The following REV3L variants were observed in gnomAD, a reference collection of about 807,000 sequenced individuals.
REV3L encodes REV3 like, DNA directed polymerase zeta catalytic subunit.
REV3L carries 69 observed loss-of-function variants against 299.4 expected under a neutral mutation model. The observed-to-expected ratio is 0.23, with a 90% confidence interval of 0.19 to 0.28. REV3L has a LOEUF of 0.28. Ranked by LOEUF, REV3L falls within the 10% of genes least tolerant of loss-of-function variation. The pLI is 1.00. For missense variants in REV3L, 3,128 were observed against 3,693.8 expected (o/e 0.85, Z 3.97); for synonymous variants, 1,238 against 1,271.4 (o/e 0.97, Z 0.56).
chr6:111,350,924 C>T (rs1163429414), intron 19 of REV3L, among the ~76,000 whole-genome samples: 1 of 152,030 alleles, frequency 6.6e-6, no homozygotes, highest in African/African-American at 2.4e-5. Context: ...AAAAACTTTA[C>T]TGTCCTGGAA....
Position 111,374,138 on chromosome 6 carries a change from G to C in REV3L, c.4217C>G (p.Ser1406Cys). 1 of 1,614,034 alleles carries C rather than the reference G, an allele frequency of 6.2e-7. No individual in the cohort carries two copies. The highest frequency in any genetic ancestry group is 8.5e-7 in the Non-Finnish European group (1 of 1,179,958). ...TGCTTGGTCCAGCTTTGATTCTAGGGAATTGCGATATTCACTTAACTTTCC... is the reference window on the plus strand; with the variant it reads ...TGCTTGGTCCAGCTTTGATTCTAGGCAATTGCGATATTCACTTAACTTTCC... Reference protein sequence around the residue: ...SIGKLSEYRNSLESKLDQAYT... With the variant: ...SIGKLSEYRNCLESKLDQAYT... Residue 1406 changes from serine to cysteine, a missense_variant, in exon 13 of 32, where the codon TCC becomes TGC. By Grantham distance (112) the Ser-to-Cys change is moderately radical. Around this residue, in one of 9 missense-constraint regions of REV3L, gnomAD observed 2,409 missense variants for 2,611.8 expected, o/e 0.92. Coordinates refer to ENST00000368802, the MANE Select transcript of REV3L (RefSeq NM_001372078.1).
At position 111,394,706 on chromosome 6, in the gene REV3L, AT is replaced by A. The variant is rs35239605; in HGVS notation, c.566-1735del. Among the ~76,000 whole-genome samples the A allele has an allele frequency of 3.3e-3, 461 of 139,410 alleles. 1 individual carries two copies. The highest frequency in any genetic ancestry group is 8.3e-3 in the African/African-American group (311 of 37,566). 91.5% of individuals were successfully genotyped at this position (139,410 alleles called of 152,430 possible). A position where few individuals can be genotyped will look rare whatever the true frequency, so the allele number is the denominator to read the frequency against. Reference sequence around the variant, plus strand: ...AATGTCCCAGAGTATCTGTCCTACAATTTTTTTTTTTTTTTTTGAGACAGGG... The same window carrying A: ...AATGTCCCAGAGTATCTGTCCTACAATTTTTTTTTTTTTTTTGAGACAGGG... On this transcript the variant is annotated intron_variant, in intron 4 of 31. Transcript: ENST00000368802.
At chr6:111,389,548 A>G (rs1176653973) in intron 6 of REV3L, among the ~76,000 whole-genome samples, 1 of 152,132 alleles carries the variant, frequency 6.6e-6, no homozygotes, top group African/African-American at 2.4e-5. Flanking sequence ...TTAGTGTCAC[A>G]CTTATTTTAG....
chr6:111,403,465 C>A (rs1783302423), intron 4 of REV3L, among the ~76,000 whole-genome samples: 1 of 152,148 alleles, frequency 6.6e-6, no homozygotes. Context: ...AGCATGTGTT[C>A]ATTTTGTGTC....
chr6:111,304,942 C>CT (rs748453480), intron 31 of REV3L, among the ~76,000 whole-genome samples: 7,133 of 136,344 alleles, frequency 0.052, 444 homozygotes, highest in African/African-American at 0.15. Context: ...GTTCTTTGTT[C>CT]TTTTTTTTTT....
At chr6:111,382,376 C>T (rs1193962629) in intron 9 of REV3L, among the ~76,000 whole-genome samples, 1 of 152,172 alleles carries the variant, frequency 6.6e-6, no homozygotes, top group African/African-American at 2.4e-5. Context: ...GGTCTTGAGG[C>T]ACGGAGAGAG....
intron 24 of REV3L, among the ~76,000 whole-genome samples, chr6:111,330,579 G>A (rs565191553): frequency 3.5e-4 from 54 of 152,170 alleles, no homozygotes; most frequent in African/African-American, 1.2e-3. Context: ...GGGTCCAAAA[G>A]TAGATGCAAG....
intron 26 of REV3L, among the ~76,000 whole-genome samples, chr6:111,318,249 G>A (rs977443078): frequency 1.3e-5 from 2 of 151,862 alleles, no homozygotes; most frequent in African/African-American, 2.4e-5. Flanking sequence ...CACCACGCCC[G>A]GCTAATTTTT....
chr6:111,300,145 G>C lies in REV3L; in HGVS notation c.9264C>G (p.Asn3088Lys), dbSNP rs1421389667. The change falls in exon 32 of 32, where the codon AAC becomes AAG. Residue 3088 changes from asparagine (N) to lysine (K), a missense_variant. Physicochemically the swap from Asn to Lys is moderately conservative, Grantham distance 94. Around this residue, in one of 9 missense-constraint regions of REV3L, gnomAD observed 294 missense variants for 377.0 expected, o/e 0.78. Coordinates refer to ENST00000368802, the MANE Select transcript of REV3L (RefSeq NM_001372078.1). ...TGTGTCGATCAAAGCAACCTGTACA[G>C]TTCTTGCATATCTGAAAGCATAAGA... is the stretch of plus-strand genomic sequence containing the variant. Reference protein sequence around the residue: ...QQEQLVKICKNCTGCFDRHIP... With the variant: ...QQEQLVKICKKCTGCFDRHIP... 1.1e-5 allele frequency: 18 copies of C among 1,586,162 alleles called. No individual in the cohort carries two copies. The highest frequency in any genetic ancestry group is 1.5e-5 in the Non-Finnish European group (17 of 1,169,682).
At position 111,445,085 on chromosome 6, in the gene REV3L, G is replaced by A. The variant is rs566567127; in HGVS notation, c.140-28613C>T. Among the ~76,000 whole-genome samples the A allele has an allele frequency of 3.9e-5, 6 of 152,292 alleles. No individual in the cohort carries two copies. In the South Asian group the frequency reaches 6.2e-4, roughly 16 times the overall value. ...CAGGAGAGAAATATAAGAAGCTCTC[G>A]GCATGTGGCCAACTGCCTTGGAAGG... is the stretch of plus-strand genomic sequence containing the variant. On this transcript the variant is annotated intron_variant, in intron 1 of 31. Coordinates refer to ENST00000368802, the MANE Select transcript of REV3L (RefSeq NM_001372078.1).
chr6:111,299,876 T>A lies in REV3L; in HGVS notation c.*140A>T, dbSNP rs1257823359. 1.9e-5 allele frequency: 14 copies of A among 723,388 alleles called. No individual in the cohort carries two copies. The highest frequency in any genetic ancestry group is 2.6e-5 in the Non-Finnish European group (12 of 463,018). 44.8% of individuals were successfully genotyped at this position (723,388 alleles called of 1,614,324 possible). A position where few individuals can be genotyped will look rare whatever the true frequency, so the allele number is the denominator to read the frequency against. On this transcript the variant is annotated 3_prime_UTR_variant, in exon 32 of 32. Coordinates refer to ENST00000368802, the MANE Select transcript of REV3L (RefSeq NM_001372078.1). ...GATCAACAAGTACATTTTAATTCGG[T>A]TAGCATAGAAGTCTTCATAGTCTTC...
chr6:111,407,437 T>C (rs1274806912), intron 3 of REV3L, among the ~76,000 whole-genome samples: 1 of 152,094 alleles, frequency 6.6e-6, no homozygotes. Flanking sequence ...GGCAGAAATA[T>C]GATTGATCAC....
At chr6:111,417,889 T>C (rs1784934179) in intron 1 of REV3L, among the ~76,000 whole-genome samples, 1 of 152,194 alleles carries the variant, frequency 6.6e-6, no homozygotes, top group African/African-American at 2.4e-5. Flanking sequence ...AAATTACAAA[T>C]TGTGTTGCTG....
At chr6:111,333,506 C>T (rs1183858054) in intron 22 of REV3L, 139 bp from the exon 23 acceptor site, 14 of 1,100,056 alleles carry the variant, frequency 1.3e-5, no homozygotes, top group Admixed American at 2.8e-5. Flanking sequence ...CAGTGTTTCG[C>T]TCTTGTTGCC....
chr6:111,339,461 T>C (rs1562146451), intron 21 of REV3L, among the ~76,000 whole-genome samples: 1 of 152,102 alleles, frequency 6.6e-6, no homozygotes, highest in Non-Finnish European at 1.5e-5. Context: ...AAAGTACTCA[T>C]TTCCTCACTA....
At chr6:111,482,507 C>A (rs568191352) in intron 1 of REV3L, among the ~76,000 whole-genome samples, 1 of 151,968 alleles carries the variant, frequency 6.6e-6, no homozygotes, top group South Asian at 2.1e-4. Flanking sequence ...AGTCTAAACA[C>A]GCGGCGCTCG....
At chr6:111,356,486 G>C (rs1778099066) in intron 18 of REV3L, among the ~76,000 whole-genome samples, 1 of 152,086 alleles carries the variant, frequency 6.6e-6, no homozygotes, top group Non-Finnish European at 1.5e-5. Flanking sequence ...GGAGCTCTGT[G>C]CACAAGAGTA....
At chr6:111,316,664 TC>T (rs1344881923) in intron 26 of REV3L, among the ~76,000 whole-genome samples, 11 of 136,510 alleles carry the variant, frequency 8.1e-5, no homozygotes, top group Middle Eastern at 3.8e-3. Context: ...AGACTCCGTC[TC>T]AAAAAAAAAA....
intron 24 of REV3L, 141 bp from the exon 25 acceptor site, chr6:111,329,879 C>T (rs1006437234): frequency 1.1e-5 from 7 of 648,436 alleles, no homozygotes; most frequent in South Asian, 7.7e-5. Context: ...TATTAGTGGC[C>T]GTCAATATAA....
Sources: gnomAD v4.1 joint callset for allele counts (sites outside exome capture counted in the v4.1 genomes callset) on GRCh38, gnomAD v4.1.1 for gene constraint, gnomAD v4.1.1 regional missense constraint, MANE v1.5 for transcripts, NCBI Gene and HGNC (gene_info 2026-07-23, HGNC 2026-07-21) for gene names.